Variants in CDKL5 observed in about 807,000 individuals in gnomAD.
CDKL5 encodes cyclin-dependent kinase-like 5.
Under a neutral mutation model 61.7 loss-of-function variants are expected in CDKL5, and 8 were observed. That is an observed-to-expected ratio of 0.13 (90% CI 0.08 to 0.23). The LOEUF is 0.23. Among genes scored for constraint, CDKL5 ranks in the 10% least tolerant of loss-of-function variants. CDKL5 has a pLI of 1.00. For missense variants in CDKL5, 440 were observed against 734.5 expected, an observed-to-expected ratio of 0.60 and a Z score of 4.63; for synonymous variants, 275 against 272.3, an observed-to-expected ratio of 1.01 and a Z score of -0.10.
At chrX:18,485,088 ATTTTTTTTTCTTT>A (rs1337469831) in intron 1 of CDKL5, among the ~76,000 whole-genome samples, 1 of 107,479 alleles carries the variant, frequency 9.3e-6, no homozygotes, top group Non-Finnish European at 1.9e-5. Flanking sequence ...TCAAGGCAGA[ATTTTTTTTTCTTT>A]TTTTTTTTTA....
intron 4 of CDKL5, among the ~76,000 whole-genome samples, chrX:18,567,102 T>G (rs1924993489): frequency 8.9e-6 from 1 of 112,243 alleles, no homozygotes; most frequent in Non-Finnish European, 1.9e-5. Flanking sequence ...ACTAGTACTC[T>G]CTTTTTTCTG....
chrX:18,573,867 C>T (rs1309210799), intron 4 of CDKL5, among the ~76,000 whole-genome samples: 2 of 111,879 alleles, frequency 1.8e-5, no homozygotes, highest in African/African-American at 6.5e-5. Context: ...GCTTTTATGT[C>T]ATTCCCTTTT....
chrX:18,600,317 CTTTG>C (rs963890946), intron 11 of CDKL5, among the ~76,000 whole-genome samples: 2 of 111,759 alleles, frequency 1.8e-5, no homozygotes, highest in African/African-American at 6.5e-5. Context: ...AGCTGGCTTT[CTTTG>C]TTTGTTGCCA....
chrX:18,452,332 G>A (rs893080998), intron 1 of CDKL5, among the ~76,000 whole-genome samples: 1 of 112,106 alleles, frequency 8.9e-6, no homozygotes, highest in African/African-American at 3.2e-5. Context: ...TAAGACCCCT[G>A]TATAGGATTT....
chrX:18,555,458 T>C (rs1481969029), intron 3 of CDKL5, among the ~76,000 whole-genome samples: 3 of 112,277 alleles, frequency 2.7e-5, no homozygotes, highest in Admixed American at 1.9e-4. Flanking sequence ...GGAATGATAC[T>C]ATCAACTTCA....
chrX:18,469,025 T>C (rs1920992140), intron 1 of CDKL5, among the ~76,000 whole-genome samples: 1 of 111,146 alleles, frequency 9.0e-6, no homozygotes, highest in African/African-American at 3.3e-5. Context: ...CTGAAGACTC[T>C]TTAGAAAAGG....
intron 1 of CDKL5, among the ~76,000 whole-genome samples, chrX:18,451,571 C>G (rs1361653965): frequency 9.0e-6 from 1 of 111,298 alleles, no homozygotes; most frequent in African/African-American, 3.3e-5. Context: ...CAGGGTCTCA[C>G]TCTGTTGCCT....
intron 1 of CDKL5, among the ~76,000 whole-genome samples, chrX:18,493,053 C>T (rs1330712177): frequency 9.0e-6 from 1 of 111,372 alleles, no homozygotes; most frequent in African/African-American, 3.3e-5. Context: ...ACCCTGTTCC[C>T]TCCTGACTTG....
intron 1 of CDKL5, among the ~76,000 whole-genome samples, chrX:18,436,395 A>G (rs1459076310): frequency 9.0e-6 from 1 of 111,391 alleles, no homozygotes; most frequent in Non-Finnish European, 1.9e-5. Flanking sequence ...GTGTTGTTCA[A>G]GGGTCAACTG....
chrX:18,596,177 T>C lies in CDKL5; in HGVS notation c.825+749T>C, dbSNP rs1201131041. 5.4e-5 allele frequency among the ~76,000 whole-genome samples: 6 copies of C among 111,665 alleles called. No homozygotes were observed. In the Admixed American group the frequency reaches 5.7e-4, roughly 11 times the overall value. On this transcript the variant is annotated intron_variant, in intron 10 of 17. Transcript: ENST00000623535. ...TATTTTATGCCCAGTCAGTCAACTG[T>C]CAAAATCAGTAGAGGTTACACTGTG...
At chrX:18,433,934 C>T (rs372159890) in intron 1 of CDKL5, among the ~76,000 whole-genome samples, 6 of 112,471 alleles carry the variant, frequency 5.3e-5, no homozygotes, top group South Asian at 7.4e-4. Context: ...GCCTAATGCG[C>T]GTGTCGTAGA....
intron 17 of CDKL5, 130 bp downstream of exon 17, chrX:18,625,377 A>G: frequency 1.4e-6 from 1 of 691,238 alleles, no homozygotes; most frequent in African/African-American, 2.1e-5. Flanking sequence ...CTCAAAATAG[A>G]CCCTCAGTTA....
downstream of CDKL5, among the ~76,000 whole-genome samples, chrX:18,644,963 AC>A (rs1399701943): frequency 8.9e-6 from 1 of 112,086 alleles, no homozygotes; most frequent in Non-Finnish European, 1.9e-5. Flanking sequence ...TGGCTGTTAG[AC>A]CACCAGCCCC....
At chrX:18,569,504 T>C (rs16980816) in intron 4 of CDKL5, among the ~76,000 whole-genome samples, 19,236 of 111,471 alleles carry the variant, frequency 0.17, 3,536 homozygotes, top group African/African-American at 0.55. Context: ...TTCTACCCTT[T>C]CTATGACTCC....
Position 18,536,432 on chromosome X carries a change from G to GTTTT in CDKL5, c.99+25607_99+25610dup, listed in dbSNP as rs746308567. 2.0e-3 allele frequency among the ~76,000 whole-genome samples: 80 copies of GTTTT among 40,559 alleles called. 10 individuals carry two copies. The highest frequency in any genetic ancestry group is 0.017 in the East Asian group (15 of 899). 35.2% of individuals were successfully genotyped at this position (40,559 alleles called of 115,157 possible). A position where few individuals can be genotyped will look rare whatever the true frequency, so the allele number is the denominator to read the frequency against. ...AGAGAGTATTATTTATTCAATACAG[G>GTTTT]TTTTTTTTTTTTTTTTTTTTTTTTT... On this transcript the variant is annotated intron_variant, in intron 3 of 17. Transcript: ENST00000623535.
At chrX:18,585,935 C>T (rs2147146605) in intron 8 of CDKL5, among the ~76,000 whole-genome samples, 1 of 111,256 alleles carries the variant, frequency 9.0e-6, no homozygotes, top group East Asian at 2.8e-4. Context: ...TTCTGAAGAG[C>T]ATGATGACGA....
chrX:18,609,355 C>A (rs975738076), intron 13 of CDKL5, 110 bp from the exon 14 acceptor site: 1 of 1,161,675 alleles, frequency 8.6e-7, no homozygotes, highest in Non-Finnish European at 1.2e-6. Flanking sequence ...GATCCTACTA[C>A]TGCACTACAG....
intron 1 of CDKL5, among the ~76,000 whole-genome samples, chrX:18,457,754 T>C (rs925081432): frequency 8.4e-5 from 9 of 107,382 alleles, no homozygotes; most frequent in African/African-American, 3.1e-4. Context: ...TAGCTGGGAT[T>C]ACAGGTGCAT....
chrX:18,492,321 G>T (rs1299687783), intron 1 of CDKL5, among the ~76,000 whole-genome samples: 1 of 111,208 alleles, frequency 9.0e-6, no homozygotes, highest in Non-Finnish European at 1.9e-5. Context: ...TAAAAATTGG[G>T]TTTCCGCCCC....
Sources: allele counts gnomAD v4.1 joint callset (sites outside exome capture counted in the v4.1 genomes callset), GRCh38; gene constraint gnomAD v4.1.1; transcripts MANE v1.5; gene names NCBI Gene and HGNC (gene_info 2026-07-23, HGNC 2026-07-21).